The following CCDC7 variants were observed in gnomAD, a reference collection of about 807,000 sequenced individuals.
The protein encoded by CCDC7 is coiled-coil domain containing 7.
CCDC7 carries 183 observed loss-of-function variants against 196.9 expected under a neutral mutation model. That is an observed-to-expected ratio of 0.93 (90% CI 0.82 to 1.05). CCDC7 has a LOEUF of 1.05. CCDC7 is among the 50% of genes least tolerant of loss of function. The pLI is 0.00. For missense variants in CCDC7, 1,540 were observed against 1,482.2 expected (o/e 1.04, Z -0.64); for synonymous variants, 525 against 484.6 (o/e 1.08, Z -1.10).
intron 13 of CCDC7, among the ~76,000 whole-genome samples, chr10:32,554,970 G>C (rs762585870): frequency 1.3e-5 from 2 of 152,140 alleles, no homozygotes; most frequent in African/African-American, 4.8e-5. Flanking sequence ...TTGTCTTTCT[G>C]TGCCTGGCTT....
At chr10:32,671,860 A>C (rs970486932) in intron 21 of CCDC7, among the ~76,000 whole-genome samples, 1 of 152,112 alleles carries the variant, frequency 6.6e-6, no homozygotes, top group Non-Finnish European at 1.5e-5. Flanking sequence ...GATGACAAAG[A>C]TTTCGAGGAT....
chr10:32,730,565 C>A (rs2083792038), intron 28 of CCDC7, among the ~76,000 whole-genome samples: 1 of 151,686 alleles, frequency 6.6e-6, no homozygotes, highest in Non-Finnish European at 1.5e-5. Context: ...ATAATGTTTA[C>A]AAATAAAATA....
At chr10:32,630,237 A>C (rs2064659166) in intron 18 of CCDC7, among the ~76,000 whole-genome samples, 1 of 152,086 alleles carries the variant, frequency 6.6e-6, no homozygotes, top group African/African-American at 2.4e-5. Context: ...AGCATGATTT[A>C]AGTGCCAAGC....
chr10:32,632,144 G>C (rs1003377251), intron 18 of CCDC7, among the ~76,000 whole-genome samples: 3 of 133,172 alleles, frequency 2.3e-5, no homozygotes, highest in African/African-American at 8.0e-5. Flanking sequence ...TTTTTTGGGG[G>C]GGGGGGGGTC....
At chr10:32,673,179 C>A (rs998337450) in intron 21 of CCDC7, among the ~76,000 whole-genome samples, 3 of 152,056 alleles carry the variant, frequency 2.0e-5, no homozygotes, top group Non-Finnish European at 4.4e-5. Flanking sequence ...ATATTTTTGA[C>A]TTACTATAAT....
At chr10:32,675,611 T>A (rs894781337) in intron 21 of CCDC7, 4 of 152,406 alleles carry the variant, frequency 2.6e-5, no homozygotes, top group African/African-American at 9.6e-5. Context: ...GTGATATTTA[T>A]ACTTTCATAT....
intron 11 of CCDC7, among the ~76,000 whole-genome samples, chr10:32,541,934 C>T (rs1389929302): frequency 6.6e-6 from 1 of 152,178 alleles, no homozygotes; most frequent in East Asian, 1.9e-4. Context: ...TGGCTCTGCA[C>T]TGAGCCCAGA....
intron 18 of CCDC7, among the ~76,000 whole-genome samples, chr10:32,588,510 C>G (rs2059500215): frequency 6.6e-6 from 1 of 152,052 alleles, no homozygotes; most frequent in African/African-American, 2.4e-5. Context: ...TGGGATAAAT[C>G]CTACTTGGTC....
At chr10:32,535,104 T>A (rs1327906726) in intron 11 of CCDC7, among the ~76,000 whole-genome samples, 1 of 150,834 alleles carries the variant, frequency 6.6e-6, no homozygotes, top group African/African-American at 2.4e-5. Flanking sequence ...CTGCCCGGAG[T>A]TTTTTCACTT....
At chr10:32,765,422 C>G (rs977915144) in intron 28 of CCDC7, among the ~76,000 whole-genome samples, 2 of 151,940 alleles carry the variant, frequency 1.3e-5, no homozygotes, top group South Asian at 4.2e-4. Context: ...CCAGTGGAAG[C>G]TGAACTCATC....
chr10:32,752,381 T>A (rs915118521), intron 28 of CCDC7, among the ~76,000 whole-genome samples: 1 of 152,160 alleles, frequency 6.6e-6, no homozygotes, highest in African/African-American at 2.4e-5. Context: ...TTTTTCAACC[T>A]TTTTCCCCCA....
chr10:32,448,435 C>A (rs1564598407), upstream of CCDC7, among the ~76,000 whole-genome samples: 1 of 151,904 alleles, frequency 6.6e-6, no homozygotes, highest in East Asian at 1.9e-4. Flanking sequence ...TTTTGGAAAT[C>A]CATAATTACA....
chr10:32,639,189 G>C (rs1289690570), intron 20 of CCDC7, among the ~76,000 whole-genome samples: 1 of 151,956 alleles, frequency 6.6e-6, no homozygotes, highest in Non-Finnish European at 1.5e-5. Flanking sequence ...ACCACCTCTT[G>C]GATTCATTGA....
At chr10:32,608,987 A>T (rs1014037991) in intron 18 of CCDC7, among the ~76,000 whole-genome samples, 4 of 152,160 alleles carry the variant, frequency 2.6e-5, no homozygotes, top group Non-Finnish European at 5.9e-5. Flanking sequence ...ACTTGATATG[A>T]TCTTGTATTT....
At chr10:32,536,841 A>G (rs1006592583) in intron 11 of CCDC7, among the ~76,000 whole-genome samples, 1 of 152,118 alleles carries the variant, frequency 6.6e-6, no homozygotes, top group African/African-American at 2.4e-5. Context: ...ATTATTTTTT[A>G]TAGCTACATA....
chr10:32,568,114 C>T (rs1196530082), intron 15 of CCDC7, among the ~76,000 whole-genome samples: 1 of 146,436 alleles, frequency 6.8e-6, no homozygotes, highest in Non-Finnish European at 1.5e-5. Flanking sequence ...TCAAGGGATT[C>T]TCCTGCCTCC....
chr10:32,852,966 C>T (rs1289494645), intron 40 of CCDC7, among the ~76,000 whole-genome samples: 7 of 152,046 alleles, frequency 4.6e-5, no homozygotes, highest in Non-Finnish European at 8.8e-5. Context: ...ATAAAGTTGA[C>T]AAGATAGGCT....
intron 9 of CCDC7, among the ~76,000 whole-genome samples, chr10:32,500,569 G>T (rs2370775): frequency 0.25 from 37,729 of 150,732 alleles, 5,219 homozygotes; most frequent in South Asian, 0.44. Flanking sequence ...CAGACTGGGC[G>T]GCCGGGCAGA....
intron 11 of CCDC7, among the ~76,000 whole-genome samples, chr10:32,521,248 G>A (rs2047833788): frequency 6.6e-6 from 1 of 152,064 alleles, no homozygotes; most frequent in Non-Finnish European, 1.5e-5. Context: ...TTATATTTCT[G>A]TGAAGAATAT....
Sources: allele counts gnomAD v4.1 joint callset (sites outside exome capture counted in the v4.1 genomes callset), GRCh38; gene constraint gnomAD v4.1.1; transcripts MANE v1.5; gene names NCBI Gene and HGNC (gene_info 2026-07-23, HGNC 2026-07-21).